Variants in DPY19L1 observed in about 807,000 individuals in gnomAD.
The protein encoded by DPY19L1 is protein C-mannosyl-transferase DPY19L1.
Under a neutral mutation model 96.9 loss-of-function variants are expected in DPY19L1, and 35 were observed. The observed-to-expected ratio is 0.36, with a 90% confidence interval of 0.28 to 0.48. DPY19L1 has a LOEUF of 0.48. DPY19L1 is among the 20% of genes least tolerant of loss of function. The probability of loss-of-function intolerance (pLI) is 0.99; values close to 1 mark genes in which losing one functional copy is unlikely to be tolerated. For missense variants in DPY19L1, 521 were observed against 777.9 expected, an observed-to-expected ratio of 0.67 and a Z score of 3.93; for synonymous variants, 205 against 252.6, an observed-to-expected ratio of 0.81 and a Z score of 1.79.
intron 11 of DPY19L1, among the ~76,000 whole-genome samples, 174 bp downstream of exon 11, chr7:34,957,809 GT>G (rs3214544): frequency 0.2 from 29,543 of 149,740 alleles, 3,284 homozygotes; most frequent in Admixed American, 0.36. Context: ...ATTTTTCCTT[GT>G]TTTTTTTTTC....
At chr7:34,967,302 A>G (rs1784631861) in intron 9 of DPY19L1, among the ~76,000 whole-genome samples, 1 of 152,222 alleles carries the variant, frequency 6.6e-6, no homozygotes, top group African/African-American at 2.4e-5. Context: ...AAAGATGAAA[A>G]TGTAATTATA....
At chr7:34,993,905 A>G (rs1324517034) in intron 6 of DPY19L1, among the ~76,000 whole-genome samples, 1 of 141,772 alleles carries the variant, frequency 7.1e-6, no homozygotes, top group African/African-American at 2.6e-5. Flanking sequence ...ACGAAAATAC[A>G]AAAAAAAAAA....
At chr7:34,938,217 G>T in intron 20 of DPY19L1, 98 bp from the exon 21 acceptor site, 1 of 1,321,466 alleles carries the variant, frequency 7.6e-7, no homozygotes, top group East Asian at 2.5e-5. Context: ...AGACGATGAA[G>T]AAGAATCCAG....
At chr7:34,935,077 ATGATCATATGGC>A (rs1783838927) in intron 21 of DPY19L1, among the ~76,000 whole-genome samples, 1 of 152,200 alleles carries the variant, frequency 6.6e-6, no homozygotes, top group Non-Finnish European at 1.5e-5. Context: ...TGGAACACCT[ATGATCATATGGC>A]TGGGCATGGG....
chr7:35,024,955 A>T (rs931069952), intron 1 of DPY19L1, among the ~76,000 whole-genome samples: 1 of 152,230 alleles, frequency 6.6e-6, no homozygotes, highest in Non-Finnish European at 1.5e-5. Context: ...ACCATATAAG[A>T]TAAATTATAG....
chr7:34,974,841 A>T (rs948740627), intron 7 of DPY19L1, among the ~76,000 whole-genome samples: 1 of 152,134 alleles, frequency 6.6e-6, no homozygotes, highest in Non-Finnish European at 1.5e-5. Flanking sequence ...TCTCTGTGTC[A>T]TATTTTGGTA....
chr7:34,961,231 A>AC (rs1430153123), intron 10 of DPY19L1, among the ~76,000 whole-genome samples: 2 of 152,142 alleles, frequency 1.3e-5, no homozygotes, highest in African/African-American at 2.4e-5. Context: ...GACTGACACT[A>AC]CCCCACTTCA....
intron 1 of DPY19L1, among the ~76,000 whole-genome samples, chr7:35,035,284 A>G (rs1786365205): frequency 6.6e-6 from 1 of 152,194 alleles, no homozygotes. Flanking sequence ...TCAATGCTCA[A>G]AGGGGCAAGT....
At chr7:34,935,264 A>G (rs1311448033) in intron 21 of DPY19L1, among the ~76,000 whole-genome samples, 2 of 152,060 alleles carry the variant, frequency 1.3e-5, no homozygotes, top group Admixed American at 6.6e-5. Context: ...TGTCTTGGGG[A>G]GCTCTGTTTG....
chr7:34,942,586 G>A, intron 17 of DPY19L1, 29 bp downstream of exon 17: 2 of 1,553,006 alleles, frequency 1.3e-6, no homozygotes. Flanking sequence ...TTTAAGATAA[G>A]TAAAATTATA....
intron 21 of DPY19L1, 33 bp downstream of exon 21, chr7:34,937,961 T>C (rs372547810): frequency 1.9e-5 from 30 of 1,603,476 alleles, no homozygotes; most frequent in African/African-American, 1.6e-4. Context: ...TCATGTCTTA[T>C]GATTATAAAA....
intron 5 of DPY19L1, among the ~76,000 whole-genome samples, chr7:35,010,865 A>G (rs1785694408): frequency 6.6e-6 from 1 of 152,174 alleles, no homozygotes; most frequent in South Asian, 2.1e-4. Context: ...AGTATGGCAG[A>G]AGCAACACTA....
intron 3 of DPY19L1, among the ~76,000 whole-genome samples, chr7:35,014,038 G>C (rs1267169825): frequency 6.6e-6 from 1 of 152,122 alleles, no homozygotes; most frequent in East Asian, 1.9e-4. Flanking sequence ...TGAATAGAGT[G>C]AGTGGTTTAT....
intron 6 of DPY19L1, among the ~76,000 whole-genome samples, chr7:35,003,725 C>T (rs1785486057): frequency 6.6e-6 from 1 of 152,192 alleles, no homozygotes; most frequent in African/African-American, 2.4e-5. Flanking sequence ...TGGTTGAAAA[C>T]CTATATGGGA....
chr7:35,012,243 C>CAGATCCAG (rs1785730334), intron 4 of DPY19L1, among the ~76,000 whole-genome samples: 1 of 152,208 alleles, frequency 6.6e-6, no homozygotes, highest in African/African-American at 2.4e-5. Context: ...AAAGCCATCC[C>CAGATCCAG]AGATCCAGAG....
intron 4 of DPY19L1, among the ~76,000 whole-genome samples, chr7:35,012,402 A>C (rs554302534): frequency 6.6e-6 from 1 of 152,302 alleles, no homozygotes; most frequent in African/African-American, 2.4e-5. Context: ...TCCATCTCAA[A>C]GTCCACTTTC....
chr7:34,938,510 A>G (rs947876950), intron 20 of DPY19L1, among the ~76,000 whole-genome samples: 11 of 152,340 alleles, frequency 7.2e-5, no homozygotes, highest in African/African-American at 1.7e-4. Flanking sequence ...CTTAGACATC[A>G]ACAATAATTC....
chr7:34,966,082 A>C (rs577595254), intron 10 of DPY19L1, among the ~76,000 whole-genome samples: 2 of 151,762 alleles, frequency 1.3e-5, no homozygotes, highest in South Asian at 4.2e-4. Context: ...GCTGGTCTTA[A>C]ACTCCTGGGC....
At chr7:34,996,459 G>C (rs1432396826) in intron 6 of DPY19L1, among the ~76,000 whole-genome samples, 1 of 152,034 alleles carries the variant, frequency 6.6e-6, no homozygotes, top group African/African-American at 2.4e-5. Flanking sequence ...TCCTTCTCCT[G>C]CCTAGAAATA....
Sources: gnomAD v4.1 joint callset for allele counts (sites outside exome capture counted in the v4.1 genomes callset) on GRCh38, gnomAD v4.1.1 for gene constraint, MANE v1.5 for transcripts, NCBI Gene and HGNC (gene_info 2026-07-23, HGNC 2026-07-21) for gene names.